The following PRDM13 variants were observed in gnomAD, a reference collection of about 807,000 sequenced individuals.
The protein encoded by PRDM13 is PR domain zinc finger protein 13.
PRDM13 carries 15 observed loss-of-function variants against 36.4 expected under a neutral mutation model. The observed-to-expected ratio is 0.41, with a 90% confidence interval of 0.28 to 0.64. The LOEUF is 0.64. PRDM13 is among the 30% of genes least tolerant of loss of function. The probability of loss-of-function intolerance (pLI) is 0.29; values close to 1 mark genes in which losing one functional copy is unlikely to be tolerated. For synonymous variants in PRDM13, 531 were observed against 467.7 expected (o/e 1.14, Z -1.75); for missense variants, 1,044 against 1,013.5 (o/e 1.03, Z -0.41).
At position 99,606,956 on chromosome 6, in the gene PRDM13, C is replaced by G. The variant is rs529369195; in HGVS notation, c.-79C>G. ...CGTCGGGGCGCGGCTCTCTGGCTAG[C>G]GCGCAGCTCCAGCTCTGTCACTCGC... On this transcript the variant is annotated 5_prime_UTR_variant, in exon 1 of 4. Transcript: ENST00000369215. The G allele has an allele frequency of 2.1e-6, 3 of 1,449,114 alleles. No homozygotes were observed. The highest frequency in any genetic ancestry group is 2.9e-5 in the African/African-American group (2 of 68,696). 89.8% of individuals were successfully genotyped at this position (1,449,114 alleles called of 1,614,324 possible).
At chr6:99,607,210 A>G in intron 1 of PRDM13, 32 bp downstream of exon 1, 1 of 1,609,124 alleles carries the variant, frequency 6.2e-7, no homozygotes, top group Non-Finnish European at 8.5e-7. Context: ...GCCCACTGCC[A>G]TTCGCCTCTC....
Position 99,614,322 on chromosome 6 carries a change from G to C in PRDM13, c.1687G>C (p.Gly563Arg). The change falls in exon 4 of 4, where the codon GGC becomes CGC. Residue 563 changes from glycine to arginine, a missense_variant. By Grantham distance (125) the Gly-to-Arg change is moderately radical. Coordinates refer to ENST00000369215, the MANE Select transcript of PRDM13 (RefSeq NM_021620.4). ...AGGTGGGGSG[G>R]SGAGKPKTGH... ...AGGCACCGGGGGCGGCGGCAGCGGAGGCAGCGGCGCAGGTAAGCCCAAGAC... is the reference window on the plus strand; with the variant it reads ...AGGCACCGGGGGCGGCGGCAGCGGACGCAGCGGCGCAGGTAAGCCCAAGAC... The C allele has an allele frequency of 1.2e-6, 2 of 1,605,890 alleles. No homozygotes were observed. The highest frequency in any genetic ancestry group is 1.7e-6 in the Non-Finnish European group (2 of 1,176,504).
intron 3 of PRDM13, among the ~76,000 whole-genome samples, chr6:99,611,594 G>A (rs1222213006): frequency 1.3e-5 from 2 of 152,140 alleles, no homozygotes; most frequent in East Asian, 3.9e-4. Context: ...GGAATGCAGT[G>A]CTTATCACTT....
At position 99,614,495 on chromosome 6, in the gene PRDM13, C is replaced by T. The variant is rs1219804661; in HGVS notation, c.1860C>T (p.Ile620=). 6.2e-7 allele frequency: 1 copy of T among 1,613,258 alleles called. No individual in the cohort carries two copies. The highest frequency in any genetic ancestry group is 1.3e-5 in the African/African-American group (1 of 74,952). The part of the protein sequence containing the change: ...FGDPSNLNKH[I]RLHAEGNTPY... ...ACCCCAGCAATCTCAACAAGCACAT[C>T]CGGCTGCACGCCGAGGGCAATACGC... is the stretch of plus-strand genomic sequence containing the variant. Residue 620 remains isoleucine, a synonymous_variant, in exon 4 of 4, where the codon ATC becomes ATT. Transcript: ENST00000369215.
rs1398127418 is a variant in PRDM13 at position 99,614,258 on chromosome 6, G to A, written c.1623G>A (p.Leu541=). 6.2e-7 allele frequency: 1 copy of A among 1,608,404 alleles called. No individual in the cohort carries two copies. The highest frequency in any genetic ancestry group is 1.3e-5 in the African/African-American group (1 of 74,918). ...EMAAGKGRGR[L]DSGTLPPAVA... is the part of the protein sequence containing the mutation. ...CTGCCGGGAAGGGTCGCGGACGCCT[G>A]GACTCGGGGACGTTGCCACCGGCCG... Residue 541 remains leucine, a synonymous_variant, in exon 4 of 4, where the codon CTG becomes CTA. Coordinates refer to ENST00000369215, the MANE Select transcript of PRDM13 (RefSeq NM_021620.4).
In PRDM13 at chr6:99,607,197, T is replaced by C; in HGVS notation, c.144+19T>C. 1 of 1,611,454 alleles carries C rather than the reference T, an allele frequency of 6.2e-7. No homozygotes were observed. Among genetic ancestry groups the C allele is most frequent in the South Asian group, 1.1e-5 (1 of 90,830 alleles). ...GAAAAAGGTATTGACCATTCAGACC[T>C]CTGCCCACTGCCATTCGCCTCTCAG... On this transcript the variant is annotated intron_variant, in intron 1 of 3. Coordinates refer to ENST00000369215, the MANE Select transcript of PRDM13 (RefSeq NM_021620.4).
chr6:99,609,817 T>C (rs1562507933), intron 3 of PRDM13, among the ~76,000 whole-genome samples: 1 of 151,838 alleles, frequency 6.6e-6, no homozygotes, highest in Non-Finnish European at 1.5e-5. Context: ...GCCCAGGAGG[T>C]CAAGGTTCCA....
chr6:99,608,604 C>A, intron 1 of PRDM13, 137 bp from the exon 2 acceptor site: 2 of 1,165,580 alleles, frequency 1.7e-6, no homozygotes, highest in Non-Finnish European at 2.3e-6. Context: ...TTCTCCTCCT[C>A]CCAGTAGCCC....
At position 99,613,070 on chromosome 6, in the gene PRDM13, G is replaced by T. The variant is rs1770054971; in HGVS notation, c.435G>T (p.Thr145=). 6 of 1,613,614 alleles carry T rather than the reference G, an allele frequency of 3.7e-6. No individual in the cohort carries two copies. Among genetic ancestry groups the T allele is most frequent in the Non-Finnish European group, 5.1e-6 (6 of 1,179,938 alleles). ...ERYICWYCWR[T]FRYPNSLKAH... ...ACATCTGCTGGTACTGCTGGAGGAC[G>T]TTTAGATACCCCAACAGCCTTAAGG... The change falls in exon 4 of 4, where the codon ACG becomes ACT. Residue 145 remains threonine, a synonymous_variant. Coordinates refer to ENST00000369215, the MANE Select transcript of PRDM13 (RefSeq NM_021620.4). The surrounding 1 kb of genome is among the most constrained non-coding windows in gnomAD (Gnocchi z 6.1).
In PRDM13 at chr6:99,614,147, GGCC is replaced by G; in HGVS notation, c.1516_1518del (p.Ala506del). ...TCTCCTACTTCAGCGGGCCTGCAGC[GGCC>G]GCCCTAAGCCCCGCCGAGCTGGGGT... On this transcript the variant is annotated inframe_deletion, in exon 4 of 4. Transcript: ENST00000369215. 2.0e-5 allele frequency: 32 copies of G among 1,598,652 alleles called. No individual in the cohort carries two copies. The highest frequency in any genetic ancestry group is 2.5e-5 in the Non-Finnish European group (29 of 1,174,608).
Position 99,613,767 on chromosome 6 carries a change from C to T in PRDM13, c.1132C>T (p.Pro378Ser), listed in dbSNP as rs1562508982. Residue 378 changes from proline (P) to serine (S), a missense_variant, in exon 4 of 4, where the codon CCT becomes TCT. By Grantham distance (74) the Pro-to-Ser change is moderately conservative (BLOSUM62 -1). This residue lies in a region of PRDM13 where 921 missense variants were observed against 865.2 expected (regional missense o/e 1.06). Transcript: ENST00000369215. The surrounding 1 kb of genome is among the most constrained non-coding windows in gnomAD (Gnocchi z 6.1). ...TGGGGACCCGCCGCCGCCGCCGCCG[C>T]CTGGCCTGCCCTGCTCTGGGGCCCT... Reference protein sequence around the residue: ...LAGDPPPPPPPGLPCSGALRG... With the variant: ...LAGDPPPPPPSGLPCSGALRG... 6.7e-7 allele frequency: 1 copy of T among 1,496,336 alleles called. No homozygotes were observed. The highest frequency in any genetic ancestry group is 8.8e-7 in the Non-Finnish European group (1 of 1,130,096). The allele number at this position is 1,496,336 out of a possible 1,614,324, so 92.7% of individuals were successfully genotyped here.
At position 99,614,349 on chromosome 6, in the gene PRDM13, G is replaced by C. The variant is rs755465077; in HGVS notation, c.1714G>C (p.Gly572Arg). 1 of 1,612,156 alleles carries C rather than the reference G, an allele frequency of 6.2e-7. No individual in the cohort carries two copies. The highest frequency in any genetic ancestry group is 2.2e-5 in the East Asian group (1 of 44,832). ...GGSGAGKPKTGHLCLYCGKLY... is the reference protein window; with the variant it reads ...GGSGAGKPKTRHLCLYCGKLY... ...CAGCGGCGCAGGTAAGCCCAAGACC[G>C]GCCACCTGTGCCTCTACTGTGGCAA... Residue 572 changes from glycine (G) to arginine (R), a missense_variant, in exon 4 of 4, where the codon GGC becomes CGC. By Grantham distance (125) the Gly-to-Arg change is moderately radical. Coordinates refer to ENST00000369215, the MANE Select transcript of PRDM13 (RefSeq NM_021620.4).
intron 3 of PRDM13, among the ~76,000 whole-genome samples, chr6:99,610,400 T>G (rs1183853433): frequency 6.6e-6 from 1 of 152,234 alleles, no homozygotes; most frequent in Non-Finnish European, 1.5e-5. Flanking sequence ...TAATTTCTCC[T>G]AAAGACACAT....
At chr6:99,608,923 C>G in intron 2 of PRDM13, 51 bp downstream of exon 2, 1 of 1,584,384 alleles carries the variant, frequency 6.3e-7, no homozygotes, top group African/African-American at 1.3e-5. Flanking sequence ...CCAATTCAGT[C>G]TACCTAACCG....
At chr6:99,607,338 T>A in intron 1 of PRDM13, 160 bp downstream of exon 1, 1 of 1,118,498 alleles carries the variant, frequency 8.9e-7, no homozygotes, top group Non-Finnish European at 1.2e-6. Flanking sequence ...AAGTAGCCTC[T>A]TTAACTGTGA....
chr6:99,613,480 T>A lies in PRDM13; in HGVS notation c.845T>A (p.Val282Asp). 3 of 1,526,460 alleles carry A rather than the reference T, an allele frequency of 2.0e-6. No individual in the cohort carries two copies. The highest frequency in any genetic ancestry group is 2.6e-6 in the Non-Finnish European group (3 of 1,145,182). The allele number at this position is 1,526,460 out of a possible 1,614,324, so 94.6% of individuals were successfully genotyped here. ...ATCGTGGGCGGCTCCTCGGCGGGGGTCGGCAGCCTGGCTTTCTACCCCGGC... is the reference window on the plus strand; with the variant it reads ...ATCGTGGGCGGCTCCTCGGCGGGGGACGGCAGCCTGGCTTTCTACCCCGGC... ...LGIVGGSSAG[V>D]GSLAFYPGVR... The change falls in exon 4 of 4, where the codon GTC becomes GAC. Residue 282 changes from valine (V) to aspartate (D), a missense_variant. By Grantham distance (152) the Val-to-Asp change is radical. Transcript: ENST00000369215. This position sits in a 1 kb window ranked among gnomAD's most constrained non-coding sequence, Gnocchi z 6.1.
rs867568902 is a variant in PRDM13, at chr6:99,613,847, C to A, written c.1212C>A (p.His404Gln). Residue 404 changes from histidine to glutamine, a missense_variant, in exon 4 of 4, where the codon CAC becomes CAA. Around this residue, in one of 3 missense-constraint regions of PRDM13, gnomAD observed 921 missense variants for 865.2 expected, o/e 1.06. Transcript: ENST00000369215. This position sits in a 1 kb window ranked among gnomAD's most constrained non-coding sequence, Gnocchi z 6.1. ...VPPEEASAFKHVERAPPAAAA... is the reference protein window; with the variant it reads ...VPPEEASAFKQVERAPPAAAA... Reference sequence around the variant, plus strand: ...CGGAAGAGGCGTCCGCCTTCAAGCACGTGGAGCGCGCCCCGCCCGCAGCCG... The same window carrying A: ...CGGAAGAGGCGTCCGCCTTCAAGCAAGTGGAGCGCGCCCCGCCCGCAGCCG... 2.0e-6 allele frequency: 3 copies of A among 1,510,024 alleles called. No individual in the cohort carries two copies. In the East Asian group the frequency reaches 8.1e-5, roughly 41 times the overall value. 93.5% of individuals were successfully genotyped at this position (1,510,024 alleles called of 1,614,324 possible). A position where few individuals can be genotyped will look rare whatever the true frequency, so the allele number is the denominator to read the frequency against.
At position 99,608,793 on chromosome 6, in the gene PRDM13, A is replaced by C; in HGVS notation, c.197A>C (p.Glu66Ala). The C allele has an allele frequency of 6.2e-7, 1 of 1,613,312 alleles. No homozygotes were observed. Among genetic ancestry groups the C allele is most frequent in the Non-Finnish European group, 8.5e-7 (1 of 1,179,736 alleles). ...GACGAGTCGGGGGGCTCCCCTCTGG[A>C]GTGGATAGGGTTAATCCGGGCAGCC... ...LVDESGGSPL[E>A]WIGLIRAARN... Residue 66 changes from glutamate (E) to alanine (A), a missense_variant, in exon 2 of 4, where the codon GAG (glutamate) becomes GCG (alanine). By Grantham distance (107) the Glu-to-Ala change is moderately radical. Around this residue, in one of 3 missense-constraint regions of PRDM13, gnomAD observed 921 missense variants for 865.2 expected, o/e 1.06. Transcript: ENST00000369215.
rs1770101170 is a variant in PRDM13, at chr6:99,614,591, C to T, written c.1956C>T (p.Arg652=). 1.2e-6 allele frequency: 2 copies of T among 1,612,610 alleles called. No individual in the cohort carries two copies. The highest frequency in any genetic ancestry group is 1.7e-6 in the Non-Finnish European group (2 of 1,179,832). The change falls in exon 4 of 4, where the codon CGC becomes CGT. Residue 652 remains arginine, a synonymous_variant. Coordinates refer to ENST00000369215, the MANE Select transcript of PRDM13 (RefSeq NM_021620.4). ...ACCTGGAGCGACATGTCAAGTCCCG[C>T]CACCCTGGCCAGAGTCTGCTCGCCA... is the stretch of plus-strand genomic sequence containing the variant. ...RRDLERHVKS[R]HPGQSLLAKA...
Sources: gnomAD v4.1 joint callset for allele counts (sites outside exome capture counted in the v4.1 genomes callset) on GRCh38, gnomAD v4.1.1 for gene constraint, gnomAD v4.1.1 regional missense constraint, Gnocchi (gnomAD v3.1) non-coding constraint, MANE v1.5 for transcripts, NCBI Gene and HGNC (gene_info 2026-07-23, HGNC 2026-07-21) for gene names.